SELP: variants seen among roughly 807,000 people sequenced by gnomAD.
SELP encodes the protein selectin P.
In SELP, 92 loss-of-function variants were observed where a neutral mutation model predicts 104.1. The observed-to-expected ratio is 0.88, with a 90% confidence interval of 0.75 to 1.05. The LOEUF is 1.05. Ranked by LOEUF, SELP falls within the 50% of genes least tolerant of loss-of-function variation. SELP has a pLI of 0.00. For synonymous variants in SELP, 397 were observed against 364.5 expected, an observed-to-expected ratio of 1.09 and a Z score of -1.01; for missense variants, 1,022 against 1,017.3, an observed-to-expected ratio of 1.00 and a Z score of -0.06.
At chr1:169,599,407 G>T (rs1474651476) in intron 10 of SELP, among the ~76,000 whole-genome samples, 1 of 151,552 alleles carries the variant, frequency 6.6e-6, no homozygotes, top group Non-Finnish European at 1.5e-5. Context: ...AACAGATAAG[G>T]TTTGCATTTA....
At position 169,618,649 on chromosome 1, in the gene SELP, C is replaced by T. The variant is rs972259300; in HGVS notation, c.94+480G>A. Among the ~76,000 whole-genome samples, 6 of 152,262 alleles carry T rather than the reference C, an allele frequency of 3.9e-5. No homozygotes were observed. In the South Asian group the frequency reaches 1.2e-3, roughly 32 times the overall value. On this transcript the variant is annotated intron_variant, in intron 2 of 16. Transcript: ENST00000263686. Reference sequence around the variant, plus strand: ...ACCTCCCTTGCTGACATTTCCAGGGCATTGTTTTGCCTTAAAGACTTCATT... The same window carrying T: ...ACCTCCCTTGCTGACATTTCCAGGGTATTGTTTTGCCTTAAAGACTTCATT...
At chr1:169,594,130 G>T (rs944222388) in intron 13 of SELP, among the ~76,000 whole-genome samples, 17 of 152,112 alleles carry the variant, frequency 1.1e-4, no homozygotes, top group Admixed American at 4.6e-4. Context: ...CCCAATAAAA[G>T]AAATTAAATT....
chr1:169,598,388 C>G (rs1329102566), intron 10 of SELP, among the ~76,000 whole-genome samples: 1 of 152,152 alleles, frequency 6.6e-6, no homozygotes, highest in Non-Finnish European at 1.5e-5. Flanking sequence ...TATGCTCCCT[C>G]ATGGAAAACC....
chr1:169,617,244 A>G lies in SELP; in HGVS notation c.265T>C (p.Tyr89His). 1 of 1,614,148 alleles carries G rather than the reference A, an allele frequency of 6.2e-7. No individual in the cohort carries two copies. The highest frequency in any genetic ancestry group is 1.1e-5 in the South Asian group (1 of 91,086). ...TTCTTTCGGATCCCAATCCAGTAGT[A>G]GGAGCTGTAGTAGGGTAGGACCTTA... ...LNKVLPYYSS[Y>H]YWIGIRKNNK... Residue 89 changes from tyrosine (Y) to histidine (H), a missense_variant, in exon 3 of 17, where the codon TAC becomes CAC. Transcript: ENST00000263686.
chr1:169,610,528 G>A (rs1198043720), intron 7 of SELP, among the ~76,000 whole-genome samples: 4 of 152,104 alleles, frequency 2.6e-5, no homozygotes, highest in Non-Finnish European at 5.9e-5. Context: ...TGAGCACAAT[G>A]GCTCACACCT....
chr1:169,607,680 A>G (rs1662271130), intron 8 of SELP, among the ~76,000 whole-genome samples: 1 of 152,210 alleles, frequency 6.6e-6, no homozygotes, highest in East Asian at 1.9e-4. Context: ...CCATATACGA[A>G]GAGAGCACAC....
rs1383487289 is a variant in SELP at position 169,630,092 on chromosome 1, T to C, written c.-18A>G. On this transcript the variant is annotated 5_prime_UTR_variant, in exon 1 of 17. Coordinates refer to ENST00000263686, the MANE Select transcript of SELP (RefSeq NM_003005.4). ...CTCACCATCTCCTCTGTGACTCTGC[T>C]GGTTTTCTGCCTTCTGCCCAACCCA... The C allele has an allele frequency of 6.2e-7, 1 of 1,614,176 alleles. No individual in the cohort carries two copies. The highest frequency in any genetic ancestry group is 2.2e-5 in the East Asian group (1 of 44,884).
chr1:169,618,092 T>C (rs1479202615), intron 2 of SELP, among the ~76,000 whole-genome samples: 1 of 152,214 alleles, frequency 6.6e-6, no homozygotes, highest in Non-Finnish European at 1.5e-5. Context: ...TCTGTTTCTA[T>C]GATACAGTCT....
Position 169,593,712 on chromosome 1 carries a change from G to C in SELP, c.2300C>G (p.Thr767Ser). Residue 767 changes from threonine (T) to serine (S), a missense_variant, in exon 14 of 17, where the codon ACT (threonine) becomes AGT (serine). Thr to Ser is a moderately conservative substitution (Grantham distance 58, BLOSUM62 1). Coordinates refer to ENST00000263686, the MANE Select transcript of SELP (RefSeq NM_003005.4). ...AAAGTAAGTCAGGGCTTCCTGGATA[G>C]TCAATGGTCCTGCTACAAAACAAAC... ...TVPTCQAGPL[T>S]IQEALTYFGG... The C allele has an allele frequency of 6.2e-7, 1 of 1,613,452 alleles. No homozygotes were observed. Among genetic ancestry groups the C allele is most frequent in the Non-Finnish European group, 8.5e-7 (1 of 1,179,530 alleles).
intron 8 of SELP, among the ~76,000 whole-genome samples, chr1:169,608,104 A>C (rs1229163225): frequency 6.6e-6 from 1 of 151,162 alleles, no homozygotes; most frequent in African/African-American, 2.4e-5. Flanking sequence ...AAGTGTCAGC[A>C]TCATGGTGTA....
chr1:169,596,075 C>T lies in SELP; in HGVS notation c.1951G>A (p.Gly651Arg). The T allele has an allele frequency of 6.2e-7, 1 of 1,613,904 alleles. No individual in the cohort carries two copies. Among genetic ancestry groups the T allele is most frequent in the South Asian group, 1.1e-5 (1 of 91,078 alleles). The stretch of plus-strand genomic sequence containing the variant: ...GGATGATGCCTACAGTACATGGTTC[C>T]CTGCCCAGGAGTGGTGAGGGCTGGA... The part of the protein sequence containing the change: ...QCPALTTPGQ[G>R]TMYCRHHPGT... The change falls in exon 12 of 17, where the codon GGA becomes AGA. Residue 651 changes from glycine (G) to arginine (R), a missense_variant. Physicochemically the swap from Gly to Arg is moderately radical, Grantham distance 125. Transcript: ENST00000263686.
At chr1:169,597,251 T>A (rs549038661) in intron 10 of SELP, 75 bp from the exon 11 acceptor site, 14 of 1,311,438 alleles carry the variant, frequency 1.1e-5, no homozygotes, top group Non-Finnish European at 1.3e-5. Context: ...GTTCATTCAC[T>A]TATATATTCA....
rs1662385047 is a variant in SELP, at chr1:169,609,550, C to T, written c.1287G>A (p.Arg429=). 7 of 1,613,920 alleles carry T rather than the reference C, an allele frequency of 4.3e-6. No homozygotes were observed. Among genetic ancestry groups the T allele is most frequent in the Non-Finnish European group, 5.9e-6 (7 of 1,179,998 alleles). Residue 429 remains arginine, a synonymous_variant, in exon 8 of 17, where the codon CGG becomes CGA. Transcript: ENST00000263686. ...CTGTCCACTGTCCCAAGTTATCACA[C>T]CGAACTATATCGGCTCCTCTCAGCA... ...GFMLRGADIV[R]CDNLGQWTAP...
intron 9 of SELP, among the ~76,000 whole-genome samples, chr1:169,605,297 G>A (rs569772872): frequency 7.2e-5 from 11 of 152,248 alleles, no homozygotes; most frequent in Admixed American, 4.6e-4. Flanking sequence ...TCACAGCCCC[G>A]CCCTGTTCTC....
intron 11 of SELP, 62 bp downstream of exon 11, chr1:169,596,929 T>C (rs898967890): frequency 6.9e-7 from 1 of 1,446,074 alleles, no homozygotes; most frequent in Non-Finnish European, 9.4e-7. Context: ...ACTAGATAAT[T>C]GTTTGTTGTT....
At chr1:169,615,065 T>C (rs1304339135) in intron 3 of SELP, among the ~76,000 whole-genome samples, 1 of 152,236 alleles carries the variant, frequency 6.6e-6, no homozygotes, top group Non-Finnish European at 1.5e-5. Flanking sequence ...AATAGATAGG[T>C]TAGCAATTTG....
At chr1:169,608,377 C>T (rs1055599419) in intron 8 of SELP, among the ~76,000 whole-genome samples, 7 of 152,038 alleles carry the variant, frequency 4.6e-5, no homozygotes, top group South Asian at 2.1e-4. Flanking sequence ...CCTCTTCCGC[C>T]GAGCCCTTGG....
chr1:169,622,880 G>A (rs1663206551), intron 1 of SELP, among the ~76,000 whole-genome samples: 1 of 152,106 alleles, frequency 6.6e-6, no homozygotes, highest in African/African-American at 2.4e-5. Flanking sequence ...GCCTGCTTGT[G>A]GTCTTTTAAG....
intron 10 of SELP, among the ~76,000 whole-genome samples, chr1:169,600,559 G>A (rs920899804): frequency 2.6e-5 from 4 of 152,080 alleles, no homozygotes; most frequent in Admixed American, 1.3e-4. Context: ...TGGAACTATC[G>A]GTAGAGCCAT....
Sources: allele counts gnomAD v4.1 joint callset (sites outside exome capture counted in the v4.1 genomes callset), GRCh38; gene constraint gnomAD v4.1.1; transcripts MANE v1.5; gene names NCBI Gene and HGNC (gene_info 2026-07-23, HGNC 2026-07-21).